DEFB106B: variants seen among roughly 807,000 people sequenced by gnomAD.
DEFB106B encodes defensin beta 106B, also known as beta-defensin 106.
At chr8:7,482,910 G>T (rs1233546344) in intron 1 of DEFB106B, among the ~76,000 whole-genome samples, 158 bp from the exon 2 acceptor site, 3 of 149,716 alleles carry the variant, frequency 2.0e-5, no homozygotes, top group Admixed American at 6.7e-5. Flanking sequence ...ATTTTTATCT[G>T]ATATTTCAGT....
chr8:7,484,180 T>G (rs962927404), intron 1 of DEFB106B, among the ~76,000 whole-genome samples: 2 of 129,228 alleles, frequency 1.5e-5, no homozygotes, highest in African/African-American at 5.7e-5. Context: ...TATTAGTGTA[T>G]TATACTAGTA....
Position 7,484,455 on chromosome 8 carries a change from A to G in DEFB106B, c.50-1703T>C, listed in dbSNP as rs1479783005. Among the ~76,000 whole-genome samples, 36 of 143,384 alleles carry G rather than the reference A, an allele frequency of 2.5e-4. No homozygotes were observed. The South Asian group carries it at 7.7e-3, about 31-fold the overall frequency. The allele number at this position is 143,384 out of a possible 152,430, so 94.1% of individuals were successfully genotyped here. On this transcript the variant is annotated intron_variant, in intron 1 of 1. Coordinates refer to ENST00000335479, the MANE Select transcript of DEFB106B (RefSeq NM_001040704.2). ...ACTAGAGTATTATACTAGTATGTAT[A>G]CTATGCTATATACTAGAGTATTATA...
intron 1 of DEFB106B, among the ~76,000 whole-genome samples, chr8:7,484,417 C>A (rs1326596820): frequency 1.1e-5 from 1 of 90,104 alleles, no homozygotes; most frequent in African/African-American, 4.9e-5. Flanking sequence ...CTAGTATATA[C>A]ACTATACTAT....
Position 7,483,870 on chromosome 8 carries a change from C to G in DEFB106B, c.50-1118G>C, listed in dbSNP as rs549751712. Among the ~76,000 whole-genome samples, 9 of 132,372 alleles carry G rather than the reference C, an allele frequency of 6.8e-5. No individual in the cohort carries two copies. The East Asian group carries it at 1.8e-3, about 27-fold the overall frequency. 86.8% of individuals were successfully genotyped at this position (132,372 alleles called of 152,430 possible). On this transcript the variant is annotated intron_variant, in intron 1 of 1. Transcript: ENST00000335479. The stretch of plus-strand genomic sequence containing the variant: ...AAAAATACTAGTATTATAGTATATA[C>G]TGGTATAATAGTGTATACTATAGTA...
rs770638298 is a variant in DEFB106B, at chr8:7,486,316, T to TA, written c.49+17dup. ...ACACCACCTCCGATCACCTTCCCTG[T>TA]AAAGATGCCCATTTTACCTGGGGTC... On this transcript the variant is annotated intron_variant, in intron 1 of 1. Coordinates refer to ENST00000335479, the MANE Select transcript of DEFB106B (RefSeq NM_001040704.2). The TA allele has an allele frequency of 1.1e-5, 13 of 1,182,488 alleles. No individual in the cohort carries two copies. Among genetic ancestry groups the TA allele is most frequent in the Non-Finnish European group, 3.8e-6 (3 of 799,944 alleles). 73.2% of individuals were successfully genotyped at this position (1,182,488 alleles called of 1,614,324 possible). A position where few individuals can be genotyped will look rare whatever the true frequency, so the allele number is the denominator to read the frequency against.
At chr8:7,484,298 T>C (rs1281791889) in intron 1 of DEFB106B, among the ~76,000 whole-genome samples, 2 of 146,044 alleles carry the variant, frequency 1.4e-5, no homozygotes, top group African/African-American at 5.1e-5. Flanking sequence ...AGTATTATAC[T>C]AGTATATACA....
At chr8:7,484,339 T>C (rs1201095542) in intron 1 of DEFB106B, among the ~76,000 whole-genome samples, 1 of 148,624 alleles carries the variant, frequency 6.7e-6, no homozygotes, top group East Asian at 2.0e-4. Flanking sequence ...TGTACTAGTA[T>C]ATACACTATA....
rs1399544121 is a variant in DEFB106B at position 7,482,550 on chromosome 8, G to C, written c.*54C>G. On this transcript the variant is annotated 3_prime_UTR_variant, in exon 2 of 2. Coordinates refer to ENST00000335479, the MANE Select transcript of DEFB106B (RefSeq NM_001040704.2). ...AAGTGTCTGCCTACAGCAGAGGCAA[G>C]AGTAAAAAGAAGCTAGGTTATGTAT... 2 of 736,704 alleles carry C rather than the reference G, an allele frequency of 2.7e-6. No homozygotes were observed. The highest frequency in any genetic ancestry group is 8.1e-5 in the Admixed American group (2 of 24,720). The allele number at this position is 736,704 out of a possible 1,614,324, so 45.6% of individuals were successfully genotyped here.
chr8:7,484,688 C>T (rs557843833), intron 1 of DEFB106B, among the ~76,000 whole-genome samples: 310 of 120,052 alleles, frequency 2.6e-3, no homozygotes, highest in Middle Eastern at 0.012. Flanking sequence ...CTGACCAACA[C>T]GGTGAAACCC....
At position 7,482,603 on chromosome 8, in the gene DEFB106B, A is replaced by G. The variant is rs2128880058; in HGVS notation, c.*1T>C. The G allele has an allele frequency of 8.1e-7, 1 of 1,236,920 alleles. No individual in the cohort carries two copies. Among genetic ancestry groups the G allele is most frequent in the Non-Finnish European group, 1.1e-6 (1 of 910,440 alleles). 76.6% of individuals were successfully genotyped at this position (1,236,920 alleles called of 1,614,324 possible). On this transcript the variant is annotated 3_prime_UTR_variant, in exon 2 of 2. Coordinates refer to ENST00000335479, the MANE Select transcript of DEFB106B (RefSeq NM_001040704.2). ...TTCTCTGGAAACCTAAATCTTCTGC[A>G]TTAATCTATAATGCTCCCACATGGC...
intron 1 of DEFB106B, among the ~76,000 whole-genome samples, chr8:7,484,217 T>C (rs558173608): frequency 7.6e-6 from 1 of 131,564 alleles, no homozygotes; most frequent in Admixed American, 8.0e-5. Context: ...TACTAGTGTA[T>C]TATACTAGTA....
At chr8:7,484,532 A>ATGC (rs1370924036) in intron 1 of DEFB106B, among the ~76,000 whole-genome samples, 41 of 139,230 alleles carry the variant, frequency 2.9e-4, no homozygotes, top group South Asian at 6.7e-4. Flanking sequence ...TATATATACT[A>ATGC]TATTACATAC....
At chr8:7,484,618 A>T (rs1170790563) in intron 1 of DEFB106B, among the ~76,000 whole-genome samples, 34 of 133,722 alleles carry the variant, frequency 2.5e-4, no homozygotes, top group Non-Finnish European at 4.3e-4. Context: ...CACACCTATA[A>T]TCCCAGCACT....
In DEFB106B at chr8:7,483,993, G is replaced by A. The variant is rs1316364285; in HGVS notation, c.50-1241C>T. On this transcript the variant is annotated intron_variant, in intron 1 of 1. Transcript: ENST00000335479. ...TACTAGTATACTATACTATATACTA[G>A]TGTATTATACTAGTATGTACACTAT... 2.4e-5 allele frequency among the ~76,000 whole-genome samples: 3 copies of A among 123,730 alleles called. 1 individual carries two copies. The highest frequency in any genetic ancestry group is 2.5e-4 in the East Asian group (1 of 4,058). The allele number at this position is 123,730 out of a possible 152,430, so 81.2% of individuals were successfully genotyped here.
intron 1 of DEFB106B, among the ~76,000 whole-genome samples, chr8:7,483,903 A>G (rs1286846589): frequency 7.6e-6 from 1 of 131,338 alleles, no homozygotes; most frequent in East Asian, 2.3e-4. Flanking sequence ...GTATTATACT[A>G]GTATATATAC....
chr8:7,484,122 T>A (rs1241061886), intron 1 of DEFB106B, among the ~76,000 whole-genome samples: 1 of 138,614 alleles, frequency 7.2e-6, no homozygotes, highest in Non-Finnish European at 1.5e-5. Flanking sequence ...TATACTAGTA[T>A]ATATACTATA....
At chr8:7,484,181 T>A (rs1811390830) in intron 1 of DEFB106B, among the ~76,000 whole-genome samples, 2 of 137,512 alleles carry the variant, frequency 1.5e-5, no homozygotes. Context: ...ATTAGTGTAT[T>A]ATACTAGTAT....
chr8:7,484,884 AAAT>A lies in DEFB106B; in HGVS notation c.49+1447_49+1449del, dbSNP rs1177749610. Among the ~76,000 whole-genome samples, 61 of 46,144 alleles carry A rather than the reference AAAT, an allele frequency of 1.3e-3. 3 individuals are homozygous for A. Among genetic ancestry groups the A allele is most frequent in the African/African-American group, 2.1e-3 (34 of 16,326 alleles). The allele number at this position is 46,144 out of a possible 152,430, so 30.3% of individuals were successfully genotyped here. A position where few individuals can be genotyped will look rare whatever the true frequency, so the allele number is the denominator to read the frequency against. ...GAGACTCTATCTCAAAAAAAAAAAA[AAAT>A]ATGTATATATATATATATAAAATAT... is the stretch of plus-strand genomic sequence containing the variant. On this transcript the variant is annotated intron_variant, in intron 1 of 1. Coordinates refer to ENST00000335479, the MANE Select transcript of DEFB106B (RefSeq NM_001040704.2).
Position 7,483,715 on chromosome 8 carries a change from GGTCTATGT to G in DEFB106B, c.50-971_50-964del, listed in dbSNP as rs1427764661. ...ATGAACTCTGGCTCTCACTGGCAGG[GGTCTATGT>G]TCTCTCTGCCCTACTGTAAGGCAGA... On this transcript the variant is annotated intron_variant, in intron 1 of 1. Coordinates refer to ENST00000335479, the MANE Select transcript of DEFB106B (RefSeq NM_001040704.2). Among the ~76,000 whole-genome samples, 3 of 105,348 alleles carry G rather than the reference GGTCTATGT, an allele frequency of 2.8e-5. 1 individual carries two copies. The highest frequency in any genetic ancestry group is 1.2e-4 in the African/African-American group (3 of 24,522). The allele number at this position is 105,348 out of a possible 152,430, so 69.1% of individuals were successfully genotyped here.
Sources: allele counts gnomAD v4.1 joint callset (sites outside exome capture counted in the v4.1 genomes callset), GRCh38; gene constraint gnomAD v4.1.1; transcripts MANE v1.5; gene names NCBI Gene and HGNC (gene_info 2026-07-23, HGNC 2026-07-21).